Variants in DYNC1LI1 observed in about 807,000 individuals in gnomAD.
The protein encoded by DYNC1LI1 is cytoplasmic dynein 1 light intermediate chain 1.
A neutral mutation model predicts 63.8 loss-of-function variants in DYNC1LI1; 19 were observed. That is an observed-to-expected ratio of 0.30 (90% CI 0.21 to 0.44). DYNC1LI1 has a LOEUF of 0.44. Among genes scored for constraint, DYNC1LI1 ranks in the 20% least tolerant of loss-of-function variants. The probability of loss-of-function intolerance (pLI) is 1.00; values close to 1 mark genes in which losing one functional copy is unlikely to be tolerated. For synonymous variants in DYNC1LI1, 225 were observed against 232.3 expected (o/e 0.97, Z 0.28); for missense variants, 565 against 630.2 (o/e 0.90, Z 1.11).
chr3:32,570,245 G>C (rs1232069734), intron 2 of DYNC1LI1, 101 bp downstream of exon 2: 2 of 983,066 alleles, frequency 2.0e-6, no homozygotes, highest in African/African-American at 3.3e-5. Context: ...GCGGGGCTGG[G>C]CCGGCTGTCC....
intron 2 of DYNC1LI1, among the ~76,000 whole-genome samples, chr3:32,552,449 T>C (rs142436884): frequency 9.2e-5 from 14 of 152,238 alleles, no homozygotes; most frequent in African/African-American, 2.6e-4. Flanking sequence ...CATGAGTCAC[T>C]GAGACCCCCA....
At chr3:32,527,045 A>G in intron 12 of DYNC1LI1, 137 bp from the exon 13 acceptor site, 1 of 595,392 alleles carries the variant, frequency 1.7e-6, no homozygotes. Flanking sequence ...AACAACACTT[A>G]ATTTAAAAAT....
In DYNC1LI1 at chr3:32,561,028, A is replaced by C. The variant is rs1468134605; in HGVS notation, c.220+9318T>G. On this transcript the variant is annotated intron_variant, in intron 2 of 12. Transcript: ENST00000273130. ...AAAAAAAAAAAAAAAAAAAAAAAAA[A>C]AAAAACAAACAAAAAAAACACACAC... Among the ~76,000 whole-genome samples, 57 of 138,238 alleles carry C rather than the reference A, an allele frequency of 4.1e-4. 3 individuals carry two copies. Among genetic ancestry groups the C allele is most frequent in the African/African-American group, 1.7e-3 (53 of 31,196 alleles). 90.7% of individuals were successfully genotyped at this position (138,238 alleles called of 152,430 possible). A position where few individuals can be genotyped will look rare whatever the true frequency, so the allele number is the denominator to read the frequency against.
chr3:32,543,601 T>C (rs1575153203), intron 4 of DYNC1LI1, among the ~76,000 whole-genome samples: 1 of 142,240 alleles, frequency 7.0e-6, no homozygotes, highest in South Asian at 2.3e-4. Context: ...AGGGACAGGG[T>C]TTCACCATCT....
At chr3:32,540,612 C>G (rs1697866849) in intron 5 of DYNC1LI1, among the ~76,000 whole-genome samples, 1 of 145,490 alleles carries the variant, frequency 6.9e-6, no homozygotes, top group African/African-American at 2.6e-5. Context: ...ACCCGGGAAG[C>G]GGAGGTTGCA....
rs181485016 is a variant in DYNC1LI1, at chr3:32,543,746, T to C, written c.568+1130A>G. Reference sequence around the variant, plus strand: ...TTATGCAAAGCACAATATTGGCAAATGAAGAACTCTAAGTGACATTAAAAA... The same window carrying C: ...TTATGCAAAGCACAATATTGGCAAACGAAGAACTCTAAGTGACATTAAAAA... On this transcript the variant is annotated intron_variant, in intron 4 of 12. Coordinates refer to ENST00000273130, the MANE Select transcript of DYNC1LI1 (RefSeq NM_016141.4). Among the ~76,000 whole-genome samples, 86 of 150,802 alleles carry C rather than the reference T, an allele frequency of 5.7e-4. No homozygotes were observed. The East Asian group carries it at 0.011, about 19-fold the overall frequency.
At chr3:32,542,877 A>G (rs1697901059) in intron 4 of DYNC1LI1, among the ~76,000 whole-genome samples, 1 of 152,250 alleles carries the variant, frequency 6.6e-6, no homozygotes, top group African/African-American at 2.4e-5. Context: ...AATCCCGAAC[A>G]GGTGGGCACC....
intron 2 of DYNC1LI1, among the ~76,000 whole-genome samples, chr3:32,564,041 C>CT (rs1344698543): frequency 2.0e-5 from 3 of 152,214 alleles, no homozygotes; most frequent in Admixed American, 1.3e-4. Flanking sequence ...TGGGTCATAC[C>CT]TATAACCCCA....
Position 32,570,839 on chromosome 3 carries a change from G to T in DYNC1LI1, c.-69C>A. 1.3e-6 allele frequency: 2 copies of T among 1,533,920 alleles called. No homozygotes were observed. Among genetic ancestry groups the T allele is most frequent in the Non-Finnish European group, 8.8e-7 (1 of 1,138,130 alleles). On this transcript the variant is annotated 5_prime_UTR_variant, in exon 1 of 13. Transcript: ENST00000273130. The stretch of plus-strand genomic sequence containing the variant: ...AGGCGGCTGAGGCGGTGGCGGTGGA[G>T]GCGGCGGGAACCCGGATATGGGGCG...
intron 12 of DYNC1LI1, 120 bp downstream of exon 12, chr3:32,528,326 G>T: frequency 9.5e-7 from 1 of 1,056,152 alleles, no homozygotes; most frequent in Non-Finnish European, 1.4e-6. Context: ...TATGGTGATG[G>T]CCTGCCCAAC....
chr3:32,562,616 T>C (rs1698208487), intron 2 of DYNC1LI1, among the ~76,000 whole-genome samples: 1 of 152,204 alleles, frequency 6.6e-6, no homozygotes, highest in South Asian at 2.1e-4. Context: ...CGGGAGCCAC[T>C]GAGCATGGCT....
chr3:32,550,871 C>T (rs1698028362), intron 2 of DYNC1LI1, among the ~76,000 whole-genome samples: 1 of 151,960 alleles, frequency 6.6e-6, no homozygotes, highest in Admixed American at 6.6e-5. Flanking sequence ...CTCATGCCTG[C>T]AAACCCAGAA....
intron 2 of DYNC1LI1, among the ~76,000 whole-genome samples, chr3:32,564,520 C>T (rs77519863): frequency 0.029 from 4,465 of 152,280 alleles, 232 homozygotes; most frequent in African/African-American, 0.1. Context: ...ATATGACTTA[C>T]AAAGCCTAAA....
intron 2 of DYNC1LI1, among the ~76,000 whole-genome samples, chr3:32,558,007 C>T (rs1324846505): frequency 6.6e-6 from 1 of 151,998 alleles, no homozygotes; most frequent in Non-Finnish European, 1.5e-5. Context: ...TTAAAGAGGG[C>T]ATATTTAAAA....
intron 2 of DYNC1LI1, among the ~76,000 whole-genome samples, chr3:32,554,956 G>A (rs1698093056): frequency 7.5e-6 from 1 of 133,884 alleles, no homozygotes; most frequent in South Asian, 2.4e-4. Context: ...TGCAACCTCC[G>A]CATCCCGGGT....
rs545655182 is a variant in DYNC1LI1, at chr3:32,553,133, A to T, written c.221-7168T>A. On this transcript the variant is annotated intron_variant, in intron 2 of 12. Coordinates refer to ENST00000273130, the MANE Select transcript of DYNC1LI1 (RefSeq NM_016141.4). ...AGGATTACTTGAACCCAGGAGTTGA[A>T]GGCCAGTCTGGTCAAGATAGGGAGA... Among the ~76,000 whole-genome samples the T allele has an allele frequency of 5.3e-5, 8 of 152,296 alleles. No individual in the cohort carries two copies. In the East Asian group the frequency reaches 1.5e-3, roughly 29 times the overall value.
At position 32,530,485 on chromosome 3, in the gene DYNC1LI1, A is replaced by G. The variant is rs140662500; in HGVS notation, c.1116T>C (p.Asp372=). The change falls in exon 9 of 13, where the codon GAT becomes GAC. Residue 372 remains aspartate (D), a synonymous_variant. Coordinates refer to ENST00000273130, the MANE Select transcript of DYNC1LI1 (RefSeq NM_016141.4). ...CCTGTAGCTTCATAAGAAACACCTG[A>G]TCATCTTCTGCCATAATTTCCTTCT... ...VHEKEIMAED[D]QVFLMKLQSL... is the part of the protein sequence containing the mutation. 1,355 of 1,613,402 alleles carry G rather than the reference A, an allele frequency of 8.4e-4. 1 individual carries two copies. The highest frequency in any genetic ancestry group is 4.6e-3 in the Middle Eastern group (28 of 6,058).
intron 4 of DYNC1LI1, among the ~76,000 whole-genome samples, chr3:32,543,170 A>G (rs1697905424): frequency 6.6e-6 from 1 of 152,284 alleles, no homozygotes. Context: ...CTACTACTCT[A>G]GGATAAATCT....
Position 32,529,545 on chromosome 3 carries a change from A to C in DYNC1LI1, c.1301T>G (p.Met434Arg). The C allele has an allele frequency of 1.2e-6, 2 of 1,606,296 alleles. No homozygotes were observed. Among genetic ancestry groups the C allele is most frequent in the Non-Finnish European group, 1.7e-6 (2 of 1,175,922 alleles). The change falls in exon 11 of 13, where the codon ATG becomes AGG. Residue 434 changes from methionine to arginine, a missense_variant. Physicochemically the swap from Met to Arg is moderately conservative, Grantham distance 91 (BLOSUM62 -1). Coordinates refer to ENST00000273130, the MANE Select transcript of DYNC1LI1 (RefSeq NM_016141.4). The part of the protein sequence containing the change: ...PAGSKKIDPN[M>R]KAGATSEGVL... ...TCTCCTAGAAAGAGATGTACCTTTC[A>C]TGTTTGGATCAATTTTTTTTGACCC... is the stretch of plus-strand genomic sequence containing the variant.
Sources: gnomAD v4.1 joint callset for allele counts (sites outside exome capture counted in the v4.1 genomes callset) on GRCh38, gnomAD v4.1.1 for gene constraint, MANE v1.5 for transcripts, NCBI Gene and HGNC (gene_info 2026-07-23, HGNC 2026-07-21) for gene names.